Variants in DENND4C observed in about 807,000 individuals in gnomAD.
The protein encoded by DENND4C is DENN domain containing 4C, also known as DENN domain-containing protein 4C.
Under a neutral mutation model 203.0 loss-of-function variants are expected in DENND4C, and 108 were observed. That is an observed-to-expected ratio of 0.53 (90% CI 0.46 to 0.62). The LOEUF (loss-of-function observed/expected upper bound fraction) is 0.62, where lower values mean the gene tolerates loss of function less well. Among genes scored for constraint, DENND4C ranks in the 20% least tolerant of loss-of-function variants. The pLI is 0.00. For missense variants in DENND4C, 2,481 were observed against 2,301.2 expected, an observed-to-expected ratio of 1.08 and a Z score of -1.60; for synonymous variants, 871 against 792.4, an observed-to-expected ratio of 1.10 and a Z score of -1.67.
intron 12 of DENND4C, among the ~76,000 whole-genome samples, chr9:19,320,811 C>T (rs1015378715): frequency 2.6e-5 from 4 of 152,228 alleles, no homozygotes; most frequent in Admixed American, 6.5e-5. Context: ...CTTTGACTTA[C>T]TTGGTCTAGC....
Position 19,363,170 on chromosome 9 carries a change from A to T in DENND4C, c.5524+1207A>T, listed in dbSNP as rs1055544250. Among the ~76,000 whole-genome samples the T allele has an allele frequency of 7.2e-5, 11 of 152,280 alleles. No individual in the cohort carries two copies. In the South Asian group the frequency reaches 1.5e-3, roughly 20 times the overall value. The stretch of plus-strand genomic sequence containing the variant: ...TCTCTGTGTGTGTGCATGCACATGC[A>T]CACATTCCTGGTGTCTCCTTTTCTT... On this transcript the variant is annotated intron_variant, in intron 30 of 32. Transcript: ENST00000434457.
chr9:19,288,813 T>C (rs889564317), intron 4 of DENND4C, 148 bp downstream of exon 4: 8 of 423,744 alleles, frequency 1.9e-5, no homozygotes, highest in Admixed American at 4.4e-5. Flanking sequence ...TATAAAGATA[T>C]GTGTTTTCTT....
intron 20 of DENND4C, among the ~76,000 whole-genome samples, chr9:19,338,726 A>G (rs934765227): frequency 3.9e-5 from 6 of 152,196 alleles, no homozygotes; most frequent in Non-Finnish European, 7.4e-5. Flanking sequence ...TGTTCATTTC[A>G]TGGCACCACA....
At chr9:19,296,667 G>C (rs930432451) in intron 6 of DENND4C, among the ~76,000 whole-genome samples, 1 of 152,060 alleles carries the variant, frequency 6.6e-6, no homozygotes, top group Non-Finnish European at 1.5e-5. Flanking sequence ...TCCCTTCTTC[G>C]CCTGAATCAT....
intron 2 of DENND4C, among the ~76,000 whole-genome samples, chr9:19,278,582 T>C (rs1833390093): frequency 6.6e-6 from 1 of 152,094 alleles, no homozygotes; most frequent in Non-Finnish European, 1.5e-5. Flanking sequence ...CACGAAGGAG[T>C]GTGTAACAAC....
chr9:19,261,660 G>A (rs980369423), intron 1 of DENND4C, among the ~76,000 whole-genome samples: 7 of 149,770 alleles, frequency 4.7e-5, no homozygotes, highest in Non-Finnish European at 7.4e-5. Context: ...AATCCCACCA[G>A]GCCGGGCTAA....
At chr9:19,242,647 T>A (rs2131472756) in intron 1 of DENND4C, among the ~76,000 whole-genome samples, 1 of 127,928 alleles carries the variant, frequency 7.8e-6, no homozygotes, top group East Asian at 2.4e-4. Context: ...CTCATTGCTA[T>A]TTCTTTCTTT....
intron 23 of DENND4C, among the ~76,000 whole-genome samples, chr9:19,349,079 A>G (rs1470198405): frequency 6.6e-6 from 1 of 152,134 alleles, no homozygotes; most frequent in East Asian, 1.9e-4. Flanking sequence ...GATTACAGCC[A>G]TGAGCCACTG....
At chr9:19,357,909 A>G (rs1357676831) in intron 27 of DENND4C, 56 bp from the exon 28 acceptor site, 10 of 1,372,748 alleles carry the variant, frequency 7.3e-6, no homozygotes, top group Non-Finnish European at 2.0e-6. Flanking sequence ...CTAGCTCTAC[A>G]GATTTAGACT....
In DENND4C at chr9:19,298,137, G is replaced by T; in HGVS notation, c.1107+15G>T. 6.2e-7 allele frequency: 1 copy of T among 1,603,388 alleles called. No homozygotes were observed. The highest frequency in any genetic ancestry group is 1.3e-5 in the African/African-American group (1 of 74,808). On this transcript the variant is annotated intron_variant, in intron 7 of 32. Transcript: ENST00000434457. ...TCCTTGTCCAGGTAATCAAAAGAGAGTATATTTGGGGAGAACTTTGCATAT... is the reference window on the plus strand; with the variant it reads ...TCCTTGTCCAGGTAATCAAAAGAGATTATATTTGGGGAGAACTTTGCATAT...
intron 12 of DENND4C, among the ~76,000 whole-genome samples, chr9:19,321,594 C>G (rs1842886305): frequency 6.6e-6 from 1 of 151,874 alleles, no homozygotes; most frequent in Non-Finnish European, 1.5e-5. Context: ...CCTGTAATCC[C>G]AGCATTTTGG....
At chr9:19,239,965 T>A (rs1658097983) in intron 1 of DENND4C, among the ~76,000 whole-genome samples, 1 of 152,218 alleles carries the variant, frequency 6.6e-6, no homozygotes, top group African/African-American at 2.4e-5. Flanking sequence ...TACATATTTT[T>A]AATAATTTTC....
chr9:19,363,729 G>C (rs1329680593), intron 30 of DENND4C, among the ~76,000 whole-genome samples: 1 of 152,036 alleles, frequency 6.6e-6, no homozygotes, highest in African/African-American at 2.4e-5. Flanking sequence ...GGAAAATGTA[G>C]GCCTGGCACG....
At chr9:19,339,643 T>C (rs1821177613) in intron 20 of DENND4C, among the ~76,000 whole-genome samples, 1 of 152,186 alleles carries the variant, frequency 6.6e-6, no homozygotes, top group South Asian at 2.1e-4. Context: ...TTTTTTCCTC[T>C]CAGATGATAA....
At position 19,346,599 on chromosome 9, in the gene DENND4C, T is replaced by C. The variant is rs1156522505; in HGVS notation, c.3830T>C (p.Ile1277Thr). 2.5e-6 allele frequency: 4 copies of C among 1,614,058 alleles called. No homozygotes were observed. Among genetic ancestry groups the C allele is most frequent in the African/African-American group, 2.7e-5 (2 of 74,928 alleles). The change falls in exon 23 of 33, where the codon ATT (isoleucine) becomes ACT (threonine). Residue 1277 changes from isoleucine (I) to threonine (T), a missense_variant. Coordinates refer to ENST00000434457, the MANE Select transcript of DENND4C (RefSeq NM_001330640.2). ...GAAGATAAGTTGTTTTCTCCAGTTA[T>C]TGCACGTAATCTGGCTGATGAAATA... ...DSEDKLFSPV[I>T]ARNLADEIES...
intron 1 of DENND4C, among the ~76,000 whole-genome samples, chr9:19,242,801 G>A (rs577658376): frequency 4.5e-4 from 68 of 152,018 alleles, no homozygotes; most frequent in African/African-American, 1.5e-3. Context: ...GACTATAGGC[G>A]CATGCCACCA....
intron 24 of DENND4C, among the ~76,000 whole-genome samples, chr9:19,351,234 C>T (rs1289763991): frequency 1.3e-5 from 2 of 152,064 alleles, no homozygotes; most frequent in Non-Finnish European, 2.9e-5. Flanking sequence ...TATATATTCA[C>T]GGATTATATC....
At chr9:19,267,305 G>A (rs552977883) in intron 1 of DENND4C, among the ~76,000 whole-genome samples, 73 of 152,224 alleles carry the variant, frequency 4.8e-4, no homozygotes, top group Non-Finnish European at 8.5e-4. Flanking sequence ...GGGTGCATGT[G>A]TATTTATAAA....
At chr9:19,321,788 C>T (rs1252420909) in intron 12 of DENND4C, among the ~76,000 whole-genome samples, 5 of 146,644 alleles carry the variant, frequency 3.4e-5, no homozygotes, top group South Asian at 2.1e-4. Flanking sequence ...GCCGAGATCA[C>T]GCCACTGAAC....
Sources: gnomAD v4.1 joint callset for allele counts (sites outside exome capture counted in the v4.1 genomes callset) on GRCh38, gnomAD v4.1.1 for gene constraint, MANE v1.5 for transcripts, NCBI Gene and HGNC (gene_info 2026-07-23, HGNC 2026-07-21) for gene names.